PCDH15: variants seen among roughly 807,000 people sequenced by gnomAD.
The protein encoded by PCDH15 is protocadherin related 15.
In PCDH15, 129 loss-of-function variants were observed where a neutral mutation model predicts 178.5. The observed-to-expected ratio is 0.72, with a 90% CI of 0.63 to 0.84. PCDH15 has a LOEUF of 0.84. Among genes scored for constraint, PCDH15 ranks in the 40% least tolerant of loss-of-function variants. PCDH15 has a pLI of 0.00. For missense variants in PCDH15, 2,230 were observed against 2,099.9 expected, an observed-to-expected ratio of 1.06 and a Z score of -1.21; for synonymous variants, 800 against 732.0, an observed-to-expected ratio of 1.09 and a Z score of -1.50.
At chr10:54,882,821 T>G (rs1348324826) in intron 3 of PCDH15, among the ~76,000 whole-genome samples, 1 of 152,050 alleles carries the variant, frequency 6.6e-6, no homozygotes, top group African/African-American at 2.4e-5. Context: ...TCTTGGCAGT[T>G]AGTTCCATAA....
chr10:55,091,231 A>AT (rs1479994193), intron 2 of PCDH15, among the ~76,000 whole-genome samples: 1 of 151,980 alleles, frequency 6.6e-6, no homozygotes, highest in Non-Finnish European at 1.5e-5. Context: ...ATAGAAATAT[A>AT]TTTAAGTATT....
At chr10:54,101,883 G>A (rs2094818945) in intron 15 of PCDH15, among the ~76,000 whole-genome samples, 2 of 152,090 alleles carry the variant, frequency 1.3e-5, no homozygotes, top group African/African-American at 4.8e-5. Flanking sequence ...GCTGAGGTGG[G>A]AGGATAACTT....
rs565010729 is a variant in PCDH15, at chr10:55,094,466, C to T, written c.-80+72110G>A. On this transcript the variant is annotated intron_variant, in intron 2 of 5. Transcript: ENST00000458638. ...AAATGATGAGTTAATGGGTGCAGCA[C>T]ACCAACATGGCACATGTACATATAT... 5.3e-5 allele frequency among the ~76,000 whole-genome samples: 8 copies of T among 151,964 alleles called. 1 individual carries two copies. The East Asian group carries it at 1.4e-3, about 26-fold the overall frequency.
At chr10:54,105,361 C>A (rs1250939331) in intron 15 of PCDH15, among the ~76,000 whole-genome samples, 3 of 137,532 alleles carry the variant, frequency 2.2e-5, no homozygotes, top group South Asian at 4.5e-4. Flanking sequence ...CACACATACA[C>A]AAAACTAATA....
chr10:54,067,644 T>C (rs2094162609), intron 17 of PCDH15, among the ~76,000 whole-genome samples: 1 of 152,216 alleles, frequency 6.6e-6, no homozygotes, highest in South Asian at 2.1e-4. Context: ...AACCTCTACC[T>C]AGCTCTGTCA....
chr10:54,680,416 C>T (rs1477508785), intron 1 of PCDH15, among the ~76,000 whole-genome samples: 2 of 151,870 alleles, frequency 1.3e-5, no homozygotes, highest in African/African-American at 4.8e-5. Flanking sequence ...ACTCTTTTCA[C>T]CTTGTTTGAA....
intron 2 of PCDH15, among the ~76,000 whole-genome samples, chr10:54,662,929 A>G (rs1437129070): frequency 3.3e-5 from 5 of 151,950 alleles, no homozygotes; most frequent in Non-Finnish European, 1.5e-5. Flanking sequence ...GCTTTTAAAA[A>G]TCATTTTTAG....
At chr10:54,688,466 T>C (rs1408389330) in intron 1 of PCDH15, among the ~76,000 whole-genome samples, 1 of 152,068 alleles carries the variant, frequency 6.6e-6, no homozygotes, top group Admixed American at 6.5e-5. Context: ...AGAAGTAGAA[T>C]AAACAATATA....
chr10:54,631,788 G>A (rs998087247), intron 2 of PCDH15, among the ~76,000 whole-genome samples: 1 of 152,150 alleles, frequency 6.6e-6, no homozygotes. Context: ...GGGAAGCGAG[G>A]CACCTTTTTC....
intron 1 of PCDH15, among the ~76,000 whole-genome samples, chr10:55,230,235 T>A (rs1454447719): frequency 6.6e-6 from 1 of 152,070 alleles, no homozygotes; most frequent in African/African-American, 2.4e-5. Context: ...TTAATTTTTT[T>A]AAATTTCCAA....
intron 2 of PCDH15, chr10:54,655,435 G>C (rs2094383861): frequency 1.2e-5 from 1 of 84,662 alleles, no homozygotes; most frequent in Non-Finnish European, 2.7e-5. Context: ...TGGGGTGTGT[G>C]TGTGTGTGTG....
At chr10:53,985,401 A>C (rs1053119206) in intron 21 of PCDH15, among the ~76,000 whole-genome samples, 31 of 152,174 alleles carry the variant, frequency 2.0e-4, no homozygotes, top group Admixed American at 1.8e-3. Context: ...TCATAATATG[A>C]CATACAATGT....
At chr10:55,042,087 C>T (rs1171919935) in intron 2 of PCDH15, among the ~76,000 whole-genome samples, 3 of 151,990 alleles carry the variant, frequency 2.0e-5, no homozygotes, top group East Asian at 1.9e-4. Flanking sequence ...GTGAGCAAGC[C>T]TTTCTTGAGT....
intron 8 of PCDH15, among the ~76,000 whole-genome samples, chr10:54,314,893 T>G (rs2133582962): frequency 6.6e-6 from 1 of 152,324 alleles, no homozygotes; most frequent in East Asian, 1.9e-4. Flanking sequence ...CTGTATAGTA[T>G]TCCATGTGGT....
intron 15 of PCDH15, among the ~76,000 whole-genome samples, chr10:54,117,039 G>A (rs1426365843): frequency 6.6e-6 from 1 of 152,076 alleles, no homozygotes; most frequent in Non-Finnish European, 1.5e-5. Flanking sequence ...AAACTTCTGC[G>A]GCCAATGGCA....
chr10:54,239,313 G>A (rs2054980945), intron 8 of PCDH15, among the ~76,000 whole-genome samples: 1 of 151,584 alleles, frequency 6.6e-6, no homozygotes, highest in Non-Finnish European at 1.5e-5. Flanking sequence ...TTGAATTGTT[G>A]TATAAGCAAT....
At chr10:54,550,864 A>G (rs1295062286) in intron 2 of PCDH15, among the ~76,000 whole-genome samples, 1 of 152,094 alleles carries the variant, frequency 6.6e-6, no homozygotes, top group Non-Finnish European at 1.5e-5. Context: ...GTCTTTAAAA[A>G]TGTCTTTTAG....
At chr10:55,522,755 T>A (rs986266309) in intron 2 of PCDH15, among the ~76,000 whole-genome samples, 3 of 151,794 alleles carry the variant, frequency 2.0e-5, no homozygotes, top group Non-Finnish European at 4.4e-5. Flanking sequence ...TGGATGTTTT[T>A]AAATTACTTA....
In PCDH15 at chr10:55,401,252, T is replaced by C. The variant is rs528516632; in HGVS notation, c.-156+226373A>G. 2.0e-5 allele frequency among the ~76,000 whole-genome samples: 3 copies of C among 152,232 alleles called. No individual in the cohort carries two copies. The South Asian group carries it at 6.2e-4, about 31-fold the overall frequency. ...ACAAAGAGATAATACCCAGGTTTTCTATCTTTAGTGTGCCAGGATGGTAGC... is the reference window on the plus strand; with the variant it reads ...ACAAAGAGATAATACCCAGGTTTTCCATCTTTAGTGTGCCAGGATGGTAGC... On this transcript the variant is annotated intron_variant, in intron 2 of 5. Coordinates refer to the PCDH15 transcript ENST00000613346.
Sources: allele counts gnomAD v4.1 joint callset (sites outside exome capture counted in the v4.1 genomes callset), GRCh38; gene constraint gnomAD v4.1.1; transcripts MANE v1.5; gene names NCBI Gene and HGNC (gene_info 2026-07-23, HGNC 2026-07-21).